Variants in SEPTIN9 observed in about 807,000 individuals in gnomAD.
SEPTIN9 encodes septin-9.
In SEPTIN9, 13 loss-of-function variants were observed where a neutral mutation model predicts 56.6. That is an observed-to-expected ratio of 0.23 (90% confidence interval 0.15 to 0.37). The LOEUF (loss-of-function observed/expected upper bound fraction) is 0.37. SEPTIN9 is among the 10% of genes least tolerant of loss of function. SEPTIN9 has a pLI of 1.00. For missense variants in SEPTIN9, 650 were observed against 823.1 expected (o/e 0.79, Z 2.57); for synonymous variants, 332 against 334.1 (o/e 0.99, Z 0.07).
intron 2 of SEPTIN9, chr17:77,373,237 G>C (rs1315536269): frequency 8.9e-7 from 1 of 1,128,634 alleles, no homozygotes; most frequent in Non-Finnish European, 1.1e-6. Context: ...GTGCGAGACA[G>C]GGAGGCCGGT....
At chr17:77,361,795 G>A (rs970507034) in intron 2 of SEPTIN9, among the ~76,000 whole-genome samples, 11 of 152,152 alleles carry the variant, frequency 7.2e-5, no homozygotes, top group African/African-American at 2.7e-4. Context: ...ACCGCGTCCG[G>A]CTAATTTTTT....
intron 3 of SEPTIN9, among the ~76,000 whole-genome samples, chr17:77,407,876 G>GC (rs1288335722): frequency 6.6e-6 from 1 of 152,138 alleles, no homozygotes; most frequent in Non-Finnish European, 1.5e-5. Flanking sequence ...CTCTTTTCCT[G>GC]CCCCCCAACA....
chr17:77,301,200 G>T (rs1041759768), intron 1 of SEPTIN9, among the ~76,000 whole-genome samples: 1 of 152,216 alleles, frequency 6.6e-6, no homozygotes, highest in East Asian at 1.9e-4. Context: ...TTCCCCAGGG[G>T]CTATCTCAAG....
chr17:77,314,508 A>T (rs375496103), intron 2 of SEPTIN9, among the ~76,000 whole-genome samples: 4 of 151,982 alleles, frequency 2.6e-5, no homozygotes, highest in Admixed American at 6.5e-5. Flanking sequence ...TTAAAGCGAG[A>T]GGTTGTGCGT....
At chr17:77,491,805 C>CAAAAAAA (rs35233871) in intron 8 of SEPTIN9, among the ~76,000 whole-genome samples, 1 of 59,600 alleles carries the variant, frequency 1.7e-5, no homozygotes, top group Non-Finnish European at 3.2e-5. Context: ...GACTCCATCT[C>CAAAAAAA]AAAAAAAAAA....
chr17:77,410,784 T>C (rs12452788), intron 3 of SEPTIN9, among the ~76,000 whole-genome samples: 58,969 of 152,124 alleles, frequency 0.39, 12,153 homozygotes, highest in African/African-American at 0.48. Context: ...CTGAAGCCCC[T>C]GGGCAGCACC....
chr17:77,478,803 TAAA>T (rs528548050), intron 3 of SEPTIN9, among the ~76,000 whole-genome samples: 1 of 102,666 alleles, frequency 9.7e-6, no homozygotes, highest in Non-Finnish European at 2.2e-5. Flanking sequence ...AAACTCTGTC[TAAA>T]AAAAAAAAAA....
intron 1 of SEPTIN9, among the ~76,000 whole-genome samples, chr17:77,302,472 G>A (rs931158477): frequency 6.6e-6 from 1 of 152,144 alleles, no homozygotes; most frequent in Non-Finnish European, 1.5e-5. Context: ...AAGGTCAGGA[G>A]TTCGAGACCA....
chr17:77,310,482 C>T lies in SEPTIN9; in HGVS notation c.76+3285C>T, dbSNP rs1016151766. ...TTGGTTCACTTATTTTGGCAGCTAG[C>T]GAGTGTTCCTCTGTGTGGGGAGGCA... On this transcript the variant is annotated intron_variant, in intron 2 of 11. Coordinates refer to ENST00000427177, the MANE Select transcript of SEPTIN9 (RefSeq NM_001113491.2). The surrounding 1 kb of genome is among the most constrained non-coding windows in gnomAD (Gnocchi z 4.7). 6.6e-5 allele frequency among the ~76,000 whole-genome samples: 10 copies of T among 152,132 alleles called. No individual in the cohort carries two copies. The highest frequency in any genetic ancestry group is 1.9e-4 in the East Asian group (1 of 5,186).
chr17:77,450,509 A>G lies in SEPTIN9; in HGVS notation c.722-31635A>G. On this transcript the variant is annotated intron_variant, in intron 3 of 11. Transcript: ENST00000427177. This position sits in a 1 kb window ranked among gnomAD's most constrained non-coding sequence, Gnocchi z 6.0. The stretch of plus-strand genomic sequence containing the variant: ...GCTCTCTCCTAGTGTGGGAGTGGCC[A>G]CGCCCCTGCTGGGAGTGACTCACTT... The G allele has an allele frequency of 1.0e-6, 1 of 985,400 alleles. No individual in the cohort carries two copies. Among genetic ancestry groups the G allele is most frequent in the Non-Finnish European group, 1.2e-6 (1 of 829,956 alleles). 61.0% of individuals were successfully genotyped at this position (985,400 alleles called of 1,614,324 possible). A position where few individuals can be genotyped will look rare whatever the true frequency, so the allele number is the denominator to read the frequency against.
At chr17:77,454,766 G>A (rs963075554) in intron 3 of SEPTIN9, among the ~76,000 whole-genome samples, 1 of 152,256 alleles carries the variant, frequency 6.6e-6, no homozygotes, top group African/African-American at 2.4e-5. Flanking sequence ...CCCCGGAGCG[G>A]GTGCAGGAAG....
chr17:77,302,649 G>A (rs1294565237), intron 1 of SEPTIN9, among the ~76,000 whole-genome samples: 1 of 152,210 alleles, frequency 6.6e-6, no homozygotes, highest in African/African-American at 2.4e-5. Context: ...CTGCACTCCA[G>A]CCTGGGCGAC....
chr17:77,308,857 T>G (rs183483144), intron 2 of SEPTIN9, among the ~76,000 whole-genome samples: 71 of 152,316 alleles, frequency 4.7e-4, no homozygotes, highest in African/African-American at 1.7e-3. Flanking sequence ...GGATGCCGTG[T>G]CCACATTGAG....
At chr17:77,417,978 G>C in intron 3 of SEPTIN9, among the ~76,000 whole-genome samples, 1 of 152,290 alleles carries the variant, frequency 6.6e-6, no homozygotes, top group Admixed American at 6.5e-5. Context: ...GTCCAGTGGC[G>C]GCCTCCTACC....
chr17:77,470,132 C>G (rs891518555), intron 3 of SEPTIN9, among the ~76,000 whole-genome samples: 4 of 151,512 alleles, frequency 2.6e-5, no homozygotes, highest in Non-Finnish European at 5.9e-5. Context: ...TCCATCCACT[C>G]ATCTACCCAT....
intron 3 of SEPTIN9, among the ~76,000 whole-genome samples, chr17:77,455,628 G>A (rs1402150964): frequency 6.6e-6 from 1 of 152,206 alleles, no homozygotes; most frequent in Non-Finnish European, 1.5e-5. Flanking sequence ...CCCTGAACCT[G>A]CACGCCCCCT....
chr17:77,487,591 CTG>C lies in SEPTIN9; in HGVS notation c.1042+40_1042+41del. On this transcript the variant is annotated intron_variant, in intron 5 of 11. Coordinates refer to ENST00000427177, the MANE Select transcript of SEPTIN9 (RefSeq NM_001113491.2). The surrounding 1 kb of genome is among the most constrained non-coding windows in gnomAD (Gnocchi z 4.3). Reference sequence around the variant, plus strand: ...AGTGGGCTGGGGGTGCAGGACGCCCCTGCCTTCCTGGAGCACAGGGGTTGGGG... The same window carrying C: ...AGTGGGCTGGGGGTGCAGGACGCCCCCCTTCCTGGAGCACAGGGGTTGGGG... 6.3e-7 allele frequency: 1 copy of C among 1,598,498 alleles called. No homozygotes were observed. The highest frequency in any genetic ancestry group is 2.2e-5 in the East Asian group (1 of 44,512).
At position 77,347,380 on chromosome 17, in the gene SEPTIN9, A is replaced by G. The variant is rs180732258; in HGVS notation, c.76+40183A>G. Among the ~76,000 whole-genome samples, 655 of 147,058 alleles carry G rather than the reference A, an allele frequency of 4.5e-3. 6 individuals carry two copies. Among genetic ancestry groups the G allele is most frequent in the African/African-American group, 0.015 (602 of 40,620 alleles). On this transcript the variant is annotated intron_variant, in intron 2 of 11. Coordinates refer to ENST00000427177, the MANE Select transcript of SEPTIN9 (RefSeq NM_001113491.2). ...GCAACAAGAGTGAAACTCCGTCTCA[A>G]AAAAAAAAAAAAAGAGTCTCCACCT...
chr17:77,351,060 GTA>G (rs1208296148), intron 2 of SEPTIN9, among the ~76,000 whole-genome samples: 1 of 151,634 alleles, frequency 6.6e-6, no homozygotes, highest in Non-Finnish European at 1.5e-5. Context: ...TGCTGAGTGT[GTA>G]TATGTGTGTG....
Sources: allele counts gnomAD v4.1 joint callset (sites outside exome capture counted in the v4.1 genomes callset), GRCh38; gene constraint gnomAD v4.1.1; non-coding constraint Gnocchi (gnomAD v3.1); transcripts MANE v1.5; gene names NCBI Gene and HGNC (gene_info 2026-07-23, HGNC 2026-07-21).